Variants in LRP6 observed in about 807,000 individuals in gnomAD.
LRP6 encodes the protein low-density lipoprotein receptor-related protein 6.
In LRP6, 43 loss-of-function variants were observed where a neutral mutation model predicts 184.1. The ratio of observed to expected loss-of-function variants is 0.23; its 90% CI spans 0.18 to 0.30. The LOEUF is 0.30. LRP6 is among the 10% of genes least tolerant of loss of function. LRP6 has a pLI of 1.00. For synonymous variants in LRP6, 719 were observed against 684.9 expected, an observed-to-expected ratio of 1.05 and a Z score of -0.78; for missense variants, 1,571 against 2,005.3, an observed-to-expected ratio of 0.78 and a Z score of 4.14.
intron 1 of LRP6, among the ~76,000 whole-genome samples, chr12:12,258,458 T>C (rs537187595): frequency 6.1e-4 from 93 of 152,200 alleles, no homozygotes; most frequent in South Asian, 1.9e-3. Context: ...TAATGAACGA[T>C]TGAGTCAAAA....
chr12:12,153,083 T>C (rs1950103285), intron 12 of LRP6, among the ~76,000 whole-genome samples: 1 of 152,226 alleles, frequency 6.6e-6, no homozygotes, highest in Non-Finnish European at 1.5e-5. Context: ...CTTCGAGTAG[T>C]AAAAACACAT....
At chr12:12,155,472 C>G (rs1401562358) in intron 12 of LRP6, 6 of 929,948 alleles carry the variant, frequency 6.5e-6, no homozygotes, top group Non-Finnish European at 1.1e-5. Flanking sequence ...ACCCAGCATG[C>G]TGTTGGCATT....
chr12:12,121,039 TA>T lies in LRP6; in HGVS notation c.*86del. The T allele has an allele frequency of 8.1e-7, 1 of 1,236,954 alleles. No individual in the cohort carries two copies. The highest frequency in any genetic ancestry group is 1.1e-6 in the Non-Finnish European group (1 of 899,372). 76.6% of individuals were successfully genotyped at this position (1,236,954 alleles called of 1,614,324 possible). ...GTACATGGTCTGCCTCATCCTTCTC[TA>T]ATAGCTCCCTCCCCCCCTCCAGATC... On this transcript the variant is annotated 3_prime_UTR_variant, in exon 23 of 23. Transcript: ENST00000261349.
Position 12,164,276 on chromosome 12 carries a change from G to T in LRP6, c.2049C>A (p.Leu683=). The T allele has an allele frequency of 6.2e-7, 1 of 1,613,514 alleles. No homozygotes were observed. Among genetic ancestry groups the T allele is most frequent in the Non-Finnish European group, 8.5e-7 (1 of 1,179,848 alleles). ...ATATTCCAATTCTTTTGCTAACCTTGAGTGATATATCAGTCCAATAAATTC... is the reference window on the plus strand; with the variant it reads ...ATATTCCAATTCTTTTGCTAACCTTTAGTGATATATCAGTCCAATAAATTC... The part of the protein sequence containing the change: ...DNRIYWTDIS[L]KTISRAFMNG... The change falls in exon 9 of 23, where the codon CTC becomes CTA. Residue 683 remains leucine (L), a synonymous_variant. Coordinates refer to ENST00000261349, the MANE Select transcript of LRP6 (RefSeq NM_002336.3).
At chr12:12,122,690 G>A (rs1384388927) in intron 22 of LRP6, among the ~76,000 whole-genome samples, 1 of 152,134 alleles carries the variant, frequency 6.6e-6, no homozygotes, top group Non-Finnish European at 1.5e-5. Context: ...AAGCTAGCCA[G>A]GCGTGGTGAC....
At chr12:12,128,579 A>G (rs548154810) in intron 19 of LRP6, among the ~76,000 whole-genome samples, 210 of 152,332 alleles carry the variant, frequency 1.4e-3, no homozygotes, top group Non-Finnish European at 2.5e-3. Context: ...CACTGTCACC[A>G]TGATCAGTCA....
chr12:12,203,147 G>C (rs1863960991), intron 3 of LRP6, 56 bp downstream of exon 3: 1 of 1,238,344 alleles, frequency 8.1e-7, no homozygotes, highest in African/African-American at 1.5e-5. Flanking sequence ...GCTTTGTAAT[G>C]TATCAAGGCT....
At chr12:12,210,036 T>G (rs1864167218) in intron 2 of LRP6, among the ~76,000 whole-genome samples, 1 of 152,186 alleles carries the variant, frequency 6.6e-6, no homozygotes, top group South Asian at 2.1e-4. Context: ...TCATGATATA[T>G]TCAATAAACA....
chr12:12,167,551 G>A lies in LRP6; in HGVS notation c.1546-2256C>T, dbSNP rs977515566. On this transcript the variant is annotated intron_variant, in intron 7 of 22. Transcript: ENST00000261349. ...CCAGCTACTCGGGAGGCTGAGGCAG[G>A]AGAATCGCTTGAACCCAGGAGGCAG... Among the ~76,000 whole-genome samples, 15 of 151,858 alleles carry A rather than the reference G, an allele frequency of 9.9e-5. 1 individual carries two copies. Among genetic ancestry groups the A allele is most frequent in the Admixed American group, 9.2e-4 (14 of 15,240 alleles).
chr12:12,195,705 C>G (rs1020269068), intron 3 of LRP6, among the ~76,000 whole-genome samples: 1 of 151,970 alleles, frequency 6.6e-6, no homozygotes, highest in Non-Finnish European at 1.5e-5. Context: ...TATAATGCAT[C>G]TGGTATTTTT....
chr12:12,186,734 C>T (rs1263258453), intron 4 of LRP6, 189 bp downstream of exon 4: 6 of 611,260 alleles, frequency 9.8e-6, no homozygotes, highest in Non-Finnish European at 1.8e-5. Flanking sequence ...TCTCAGCTCA[C>T]TGCAACCTCG....
chr12:12,164,781 CT>C lies in LRP6; in HGVS notation c.1763-220del, dbSNP rs1862827672. ...TATTTTCCTTTAATACCACAGTAAG[CT>C]TTAAAGTAAGGTATATTATTCATAC... On this transcript the variant is annotated intron_variant, in intron 8 of 22. Transcript: ENST00000261349. 2.6e-5 allele frequency among the ~76,000 whole-genome samples: 4 copies of C among 151,796 alleles called. No homozygotes were observed. The South Asian group carries it at 8.3e-4, about 32-fold the overall frequency.
Position 12,158,866 on chromosome 12 carries a change from G to C in LRP6, c.2754C>G (p.Ala918=). 6.2e-7 allele frequency: 1 copy of C among 1,614,154 alleles called. No individual in the cohort carries two copies. Among genetic ancestry groups the C allele is most frequent in the Non-Finnish European group, 8.5e-7 (1 of 1,180,040 alleles). Residue 918 remains alanine, a synonymous_variant, in exon 12 of 23, where the codon GCC becomes GCG. Coordinates refer to ENST00000261349, the MANE Select transcript of LRP6 (RefSeq NM_002336.3). ...PVGGFVCGCP[A]HYSLNADNRT... is the part of the protein sequence containing the mutation. ...TGTTGTCAGCATTAAGAGAGTAGTG[G>C]GCAGGGCATCCACAAACAAAACCCC...
At chr12:12,155,811 A>G in intron 12 of LRP6, 1 of 696,138 alleles carries the variant, frequency 1.4e-6, no homozygotes, top group East Asian at 2.6e-5. Flanking sequence ...GACTGTTAAA[A>G]AAAAAAAAAA....
Position 12,159,952 on chromosome 12 carries a change from C to A in LRP6, c.2292G>T (p.Trp764Cys). ...ALDPAEGFMY[W>C]TEWGGKPKID... is the part of the protein sequence containing the mutation. ...TCTTAGGTTTTCCACCCCATTCAGT[C>A]CAATACATAAATCTAAATTCAAAAT... The change falls in exon 11 of 23, where the codon TGG becomes TGT. Residue 764 changes from tryptophan to cysteine, a missense_variant. Trp to Cys is a radical substitution (Grantham distance 215). This residue lies in a region of LRP6 where 158 missense variants were observed against 258.4 expected (regional missense o/e 0.61). Transcript: ENST00000261349. 6.2e-7 allele frequency: 1 copy of A among 1,606,074 alleles called. No individual in the cohort carries two copies. The highest frequency in any genetic ancestry group is 1.7e-5 in the Admixed American group (1 of 59,332).
intron 7 of LRP6, among the ~76,000 whole-genome samples, chr12:12,168,093 T>G (rs1237936791): frequency 6.6e-6 from 1 of 152,168 alleles, no homozygotes; most frequent in Non-Finnish European, 1.5e-5. Context: ...AGTACACTTT[T>G]GCTGCTCTGC....
chr12:12,176,116 C>A (rs1863176921), intron 7 of LRP6, among the ~76,000 whole-genome samples: 1 of 151,750 alleles, frequency 6.6e-6, no homozygotes, highest in Admixed American at 6.6e-5. Context: ...TTTGATCTTT[C>A]CTCTATCAAA....
chr12:12,194,015 C>A (rs1368604486), intron 3 of LRP6, among the ~76,000 whole-genome samples: 1 of 152,016 alleles, frequency 6.6e-6, no homozygotes, highest in Non-Finnish European at 1.5e-5. Flanking sequence ...AGAACTTACC[C>A]CAGAAATGCA....
Position 12,121,528 on chromosome 12 carries a change from C to G in LRP6, c.4548-108G>C, listed in dbSNP as rs936597941. ...TCAACTACCCTATGAAAACAATAAG[C>G]TACTGCAATTTAAATTTACACAGAC... is the stretch of plus-strand genomic sequence containing the variant. On this transcript the variant is annotated intron_variant, in intron 22 of 22. Transcript: ENST00000261349. The G allele has an allele frequency of 8.7e-6, 9 of 1,036,844 alleles. No homozygotes were observed. The Admixed American group carries it at 1.8e-4, about 20-fold the overall frequency. The allele number at this position is 1,036,844 out of a possible 1,614,324, so 64.2% of individuals were successfully genotyped here. A position where few individuals can be genotyped will look rare whatever the true frequency, so the allele number is the denominator to read the frequency against.
Sources: allele counts gnomAD v4.1 joint callset (sites outside exome capture counted in the v4.1 genomes callset), GRCh38; gene constraint gnomAD v4.1.1; regional missense constraint gnomAD v4.1.1; transcripts MANE v1.5; gene names NCBI Gene and HGNC (gene_info 2026-07-23, HGNC 2026-07-21).